The following BPGM variants were observed in gnomAD, a reference collection of about 807,000 sequenced individuals.
BPGM encodes the protein bisphosphoglycerate mutase.
In BPGM, 15 loss-of-function variants were observed where a neutral mutation model predicts 21.6. The observed-to-expected ratio is 0.70, with a 90% CI of 0.47 to 1.07. The LOEUF (loss-of-function observed/expected upper bound fraction) is 1.07, where lower values mean the gene tolerates loss of function less well. BPGM is among the 50% of genes least tolerant of loss of function. The probability of loss-of-function intolerance (pLI) is 0.00; values close to 1 mark genes in which losing one functional copy is unlikely to be tolerated. For missense variants in BPGM, 273 were observed against 319.0 expected (o/e 0.86, Z 1.10); for synonymous variants, 113 against 116.2 (o/e 0.97, Z 0.18).
intron 1 of BPGM, among the ~76,000 whole-genome samples, chr7:134,655,820 A>G (rs1795628594): frequency 6.6e-6 from 1 of 152,184 alleles, no homozygotes; most frequent in African/African-American, 2.4e-5. Context: ...AGTGCCTCAT[A>G]TGTGCCAAGC....
At chr7:134,664,090 C>T (rs1302055821) in intron 2 of BPGM, among the ~76,000 whole-genome samples, 1 of 152,124 alleles carries the variant, frequency 6.6e-6, no homozygotes, top group African/African-American at 2.4e-5. Flanking sequence ...AAATGGTGTA[C>T]CTGCTTTGGA....
chr7:134,662,052 C>A lies in BPGM; in HGVS notation c.545C>A (p.Thr182Asn). 6.2e-7 allele frequency: 1 copy of A among 1,614,086 alleles called. No homozygotes were observed. The highest frequency in any genetic ancestry group is 8.5e-7 in the Non-Finnish European group (1 of 1,180,008). Residue 182 changes from threonine (T) to asparagine (N), a missense_variant, in exon 2 of 3, where the codon ACC (threonine) becomes AAC (asparagine). By Grantham distance (65) the Thr-to-Asn change is moderately conservative. Transcript: ENST00000344924. ...GCTCCCGAAGTATTACGTGGCAAAA[C>A]CATTCTGATATCTGCTCATGGAAAT... The part of the protein sequence containing the change: ...RIAPEVLRGK[T>N]ILISAHGNSS...
intron 1 of BPGM, among the ~76,000 whole-genome samples, chr7:134,659,420 C>T (rs1419725926): frequency 6.7e-6 from 1 of 149,618 alleles, no homozygotes; most frequent in African/African-American, 2.5e-5. Flanking sequence ...TGTTCATCAC[C>T]TGGTTTCTCA....
intron 2 of BPGM, 47 bp downstream of exon 2, chr7:134,662,155 C>A: frequency 6.2e-7 from 1 of 1,611,348 alleles, no homozygotes; most frequent in Non-Finnish European, 8.5e-7. Context: ...AGTGTGATAT[C>A]TAGGCCTTAA....
At chr7:134,669,307 T>C (rs1388299053) in intron 2 of BPGM, among the ~76,000 whole-genome samples, 1 of 152,222 alleles carries the variant, frequency 6.6e-6, no homozygotes, top group East Asian at 1.9e-4. Flanking sequence ...GGGAACTGCC[T>C]TTTAAAGTCC....
intron 2 of BPGM, among the ~76,000 whole-genome samples, chr7:134,678,549 A>G (rs1235329166): frequency 1.3e-5 from 2 of 152,230 alleles, no homozygotes; most frequent in Non-Finnish European, 2.9e-5. Flanking sequence ...TTGGAAAACT[A>G]GTAACACAAA....
intron 1 of BPGM, among the ~76,000 whole-genome samples, chr7:134,651,823 G>C (rs1383163403): frequency 6.6e-6 from 1 of 152,184 alleles, no homozygotes; most frequent in Non-Finnish European, 1.5e-5. Context: ...TAAGTCACCT[G>C]CAAAGTATGT....
In BPGM at chr7:134,661,465, A is replaced by G; in HGVS notation, c.-43A>G. Reference sequence around the variant, plus strand: ...TTTCTAGATGTATTGCTGTCCTTGAATATTAGCCCATTTGAAAACGCCTGG... The same window carrying G: ...TTTCTAGATGTATTGCTGTCCTTGAGTATTAGCCCATTTGAAAACGCCTGG... On this transcript the variant is annotated 5_prime_UTR_variant, in exon 2 of 3. Coordinates refer to ENST00000344924, the MANE Select transcript of BPGM (RefSeq NM_001724.5). The surrounding 1 kb of genome is among the most constrained non-coding windows in gnomAD (Gnocchi z 4.6). 6.2e-7 allele frequency: 1 copy of G among 1,613,588 alleles called. No homozygotes were observed. The highest frequency in any genetic ancestry group is 1.1e-5 in the South Asian group (1 of 90,824).
rs1174508340 is a variant in BPGM at position 134,679,706 on chromosome 7, C to A, written c.*675C>A. The A allele has an allele frequency of 1.3e-5, 2 of 151,936 alleles. No homozygotes were observed. The highest frequency in any genetic ancestry group is 2.9e-5 in the Non-Finnish European group (2 of 67,892). 9.4% of individuals were successfully genotyped at this position (151,936 alleles called of 1,614,324 possible). On this transcript the variant is annotated 3_prime_UTR_variant, in exon 3 of 3. Transcript: ENST00000344924. ...ATAAGCAGCAAATAAACAACTATGG[C>A]TGTTGAGGTTCTCATTTTGGTTTGT...
Position 134,678,870 on chromosome 7 carries a change from A to G in BPGM, c.619A>G (p.Ile207Val). 2 of 1,613,990 alleles carry G rather than the reference A, an allele frequency of 1.2e-6. No individual in the cohort carries two copies. The highest frequency in any genetic ancestry group is 1.7e-6 in the Non-Finnish European group (2 of 1,179,836). Residue 207 changes from isoleucine (I) to valine (V), a missense_variant, in exon 3 of 3, where the codon ATC becomes GTC. By Grantham distance (29) the Ile-to-Val change is conservative. Transcript: ENST00000344924. ...KHLEGISDEDIINITLPTGVP... is the reference protein window; with the variant it reads ...KHLEGISDEDVINITLPTGVP... ...ATCAACAGGTATCTCAGATGAAGAC[A>G]TCATCAACATTACTCTTCCTACTGG...
intron 2 of BPGM, among the ~76,000 whole-genome samples, chr7:134,673,593 A>G (rs1331227020): frequency 3.3e-5 from 5 of 152,232 alleles, no homozygotes; most frequent in Non-Finnish European, 5.9e-5. Flanking sequence ...AACAACCCCT[A>G]AACATGGCCC....
At chr7:134,670,045 T>C (rs1795880366) in intron 2 of BPGM, among the ~76,000 whole-genome samples, 1 of 152,216 alleles carries the variant, frequency 6.6e-6, no homozygotes, top group African/African-American at 2.4e-5. Flanking sequence ...GTTTGTTTCC[T>C]GCTGGCGCAC....
Position 134,661,962 on chromosome 7 carries a change from T to C in BPGM, c.455T>C (p.Leu152Pro). ...YKVCDVPLDQ[L>P]PRSESLKDVL... ...GTATGCGATGTGCCCTTGGATCAACTGCCACGGTCGGAAAGCTTAAAGGAT... is the reference window on the plus strand; with the variant it reads ...GTATGCGATGTGCCCTTGGATCAACCGCCACGGTCGGAAAGCTTAAAGGAT... Residue 152 changes from leucine to proline, a missense_variant, in exon 2 of 3, where the codon CTG (leucine) becomes CCG (proline). Leu to Pro is a moderately conservative substitution (Grantham distance 98). Coordinates refer to ENST00000344924, the MANE Select transcript of BPGM (RefSeq NM_001724.5). The surrounding 1 kb of genome is among the most constrained non-coding windows in gnomAD (Gnocchi z 4.6). 2.5e-6 allele frequency: 4 copies of C among 1,614,180 alleles called. No homozygotes were observed. The highest frequency in any genetic ancestry group is 8.5e-7 in the Non-Finnish European group (1 of 1,180,028).
At chr7:134,666,902 T>C (rs1213945539) in intron 2 of BPGM, among the ~76,000 whole-genome samples, 1 of 152,226 alleles carries the variant, frequency 6.6e-6, no homozygotes, top group Non-Finnish European at 1.5e-5. Context: ...GAAGACATAG[T>C]ATGTCATCAT....
chr7:134,656,198 A>T (rs1795635097), intron 1 of BPGM, among the ~76,000 whole-genome samples: 1 of 152,214 alleles, frequency 6.6e-6, no homozygotes, highest in African/African-American at 2.4e-5. Flanking sequence ...TTTGAGAACC[A>T]CTGGCCTACA....
At chr7:134,664,475 C>T (rs987707480) in intron 2 of BPGM, among the ~76,000 whole-genome samples, 114 of 152,168 alleles carry the variant, frequency 7.5e-4, no homozygotes, top group African/African-American at 2.6e-3. Context: ...CCTGCCGCCT[C>T]CCACCAGTGA....
chr7:134,650,164 G>A (rs755372424), intron 1 of BPGM, among the ~76,000 whole-genome samples: 2 of 152,144 alleles, frequency 1.3e-5, no homozygotes, highest in African/African-American at 4.8e-5. Flanking sequence ...TTTGGAATTT[G>A]GTGGACACAG....
chr7:134,651,439 TG>T, intron 1 of BPGM, among the ~76,000 whole-genome samples: 2 of 152,194 alleles, frequency 1.3e-5, no homozygotes, highest in South Asian at 4.2e-4. Context: ...GCCTCAGTTA[TG>T]GGGAGTACTT....
intron 2 of BPGM, among the ~76,000 whole-genome samples, chr7:134,666,529 T>G (rs556486183): frequency 2.0e-4 from 30 of 152,284 alleles, no homozygotes; most frequent in Non-Finnish European, 3.8e-4. Context: ...AGGATCCGGA[T>G]TTGTCCACAG....
Sources: allele counts gnomAD v4.1 joint callset (sites outside exome capture counted in the v4.1 genomes callset), GRCh38; gene constraint gnomAD v4.1.1; non-coding constraint Gnocchi (gnomAD v3.1); transcripts MANE v1.5; gene names NCBI Gene and HGNC (gene_info 2026-07-23, HGNC 2026-07-21).